Variants in FGF10 observed in about 807,000 individuals in gnomAD.
The protein encoded by FGF10 is fibroblast growth factor 10, also known as FGF-10.
A neutral mutation model predicts 19.8 loss-of-function variants in FGF10; 2 were observed. The ratio of observed to expected loss-of-function variants is 0.10; its 90% confidence interval spans 0.04 to 0.32. The LOEUF is 0.32. Among genes scored for constraint, FGF10 ranks in the 10% least tolerant of loss-of-function variants. The pLI is 1.00. For missense variants in FGF10, 191 were observed against 246.3 expected, an observed-to-expected ratio of 0.78 and a Z score of 1.50; for synonymous variants, 112 against 94.0, an observed-to-expected ratio of 1.19 and a Z score of -1.10.
intron 1 of FGF10, among the ~76,000 whole-genome samples, chr5:44,379,293 GC>G (rs1741937555): frequency 6.6e-6 from 1 of 152,188 alleles, no homozygotes; most frequent in Non-Finnish European, 1.5e-5. Context: ...TTTCAACAAT[GC>G]ATTTATTCGT....
At chr5:44,387,895 C>A (rs1052699758) in intron 1 of FGF10, among the ~76,000 whole-genome samples, 8 of 151,916 alleles carry the variant, frequency 5.3e-5, no homozygotes, top group South Asian at 2.1e-4. Context: ...TAATTGACAG[C>A]GGATAATTAT....
At chr5:44,346,007 C>A (rs1460067419) in intron 1 of FGF10, among the ~76,000 whole-genome samples, 2 of 151,784 alleles carry the variant, frequency 1.3e-5, no homozygotes, top group Non-Finnish European at 2.9e-5. Context: ...TTGACCTATT[C>A]TCTAACCTCA....
intron 1 of FGF10, among the ~76,000 whole-genome samples, chr5:44,312,211 C>CAT (rs1178613753): frequency 6.6e-6 from 1 of 151,750 alleles, no homozygotes; most frequent in Non-Finnish European, 1.5e-5. Flanking sequence ...CACACACACA[C>CAT]ACACACGCAC....
intron 1 of FGF10, among the ~76,000 whole-genome samples, chr5:44,352,029 T>A (rs1191863266): frequency 6.6e-6 from 1 of 151,610 alleles, no homozygotes. Flanking sequence ...AATCAATCAG[T>A]TATGCCATTA....
chr5:44,311,379 A>G (rs1323576211), intron 1 of FGF10, among the ~76,000 whole-genome samples: 3 of 152,110 alleles, frequency 2.0e-5, no homozygotes, highest in Non-Finnish European at 2.9e-5. Flanking sequence ...CTAGGGAACT[A>G]AAACTACTTA....
At position 44,300,510 on chromosome 5, in the gene FGF10, A is replaced by G. The variant is rs962221205; in HGVS notation, c.*4485T>C. ...ATCCAGGGCCCTACTCTTGGCTTAA[A>G]ACAAAACAATGCAAATGTAATCTTT... On this transcript the variant is annotated 3_prime_UTR_variant, in exon 3 of 3. Transcript: ENST00000264664. 1.3e-5 allele frequency among the ~76,000 whole-genome samples: 2 copies of G among 152,192 alleles called. No homozygotes were observed. Among genetic ancestry groups the G allele is most frequent in the Admixed American group, 6.6e-5 (1 of 15,260 alleles).
At chr5:44,340,166 C>T (rs563574520) in intron 1 of FGF10, among the ~76,000 whole-genome samples, 17 of 152,072 alleles carry the variant, frequency 1.1e-4, no homozygotes, top group African/African-American at 3.1e-4. Flanking sequence ...ATAAAAATGA[C>T]GGGAGCAGAT....
At chr5:44,337,665 AGCGTGGTGGCTCACGCCT>A (rs1740883378) in intron 1 of FGF10, among the ~76,000 whole-genome samples, 1 of 152,194 alleles carries the variant, frequency 6.6e-6, no homozygotes, top group Non-Finnish European at 1.5e-5. Context: ...ATTAGGGCCC[AGCGTGGTGGCTCACGCCT>A]GTAATCCCAG....
chr5:44,344,007 T>C (rs981759575), intron 1 of FGF10, among the ~76,000 whole-genome samples: 5 of 151,906 alleles, frequency 3.3e-5, no homozygotes, highest in African/African-American at 4.8e-5. Flanking sequence ...CCCAGGAAAG[T>C]AAAAGCTCTT....
At chr5:44,321,504 G>T (rs1740486537) in intron 1 of FGF10, among the ~76,000 whole-genome samples, 1 of 152,162 alleles carries the variant, frequency 6.6e-6, no homozygotes. Flanking sequence ...GTCATTTTGT[G>T]TCAGTATATG....
intron 1 of FGF10, among the ~76,000 whole-genome samples, chr5:44,352,495 T>C (rs1741257593): frequency 6.6e-6 from 1 of 151,588 alleles, no homozygotes; most frequent in African/African-American, 2.4e-5. Context: ...ATAACTCTGA[T>C]TGAGACAGCT....
chr5:44,378,993 C>T (rs1579945165), intron 1 of FGF10, among the ~76,000 whole-genome samples: 1 of 152,214 alleles, frequency 6.6e-6, no homozygotes. Flanking sequence ...CTCAATGTGC[C>T]TTCTCTGTAC....
At chr5:44,356,475 T>A (rs973463840) in intron 1 of FGF10, among the ~76,000 whole-genome samples, 15 of 151,446 alleles carry the variant, frequency 9.9e-5, no homozygotes, top group African/African-American at 3.6e-4. Flanking sequence ...CTAGACAACA[T>A]TTGGATAATG....
At chr5:44,383,038 C>T (rs1287080533) in intron 1 of FGF10, among the ~76,000 whole-genome samples, 4 of 152,080 alleles carry the variant, frequency 2.6e-5, no homozygotes, top group Non-Finnish European at 5.9e-5. Flanking sequence ...ATCATTTGCA[C>T]TACAATGTCA....
intron 2 of FGF10, among the ~76,000 whole-genome samples, chr5:44,308,641 G>A (rs1356095068): frequency 6.6e-6 from 1 of 152,028 alleles, no homozygotes; most frequent in East Asian, 1.9e-4. Context: ...GGGTTCATTA[G>A]GGGAGCAATG....
At chr5:44,341,554 T>C (rs950105466) in intron 1 of FGF10, among the ~76,000 whole-genome samples, 4 of 151,900 alleles carry the variant, frequency 2.6e-5, no homozygotes, top group Admixed American at 1.3e-4. Flanking sequence ...TAGTCTATTC[T>C]TTGAAGCAGA....
intron 1 of FGF10, among the ~76,000 whole-genome samples, chr5:44,378,925 AG>A: frequency 6.6e-6 from 1 of 152,290 alleles, no homozygotes; most frequent in East Asian, 1.9e-4. Context: ...ATGATGTGAC[AG>A]GCACCATTAA....
In FGF10 at chr5:44,347,760, C is replaced by T. The variant is rs114841303; in HGVS notation, c.326-37230G>A. Among the ~76,000 whole-genome samples the T allele has an allele frequency of 2.4e-3, 364 of 151,810 alleles. 1 individual carries two copies. The highest frequency in any genetic ancestry group is 8.3e-3 in the African/African-American group (344 of 41,484). ...GCTCAATCAATACTTGCTAATTAAA[C>T]TCATCTCATGCCCTTATAGTAGGAT... On this transcript the variant is annotated intron_variant, in intron 1 of 2. Coordinates refer to ENST00000264664, the MANE Select transcript of FGF10 (RefSeq NM_004465.2).
rs114049078 is a variant in FGF10 at position 44,352,227 on chromosome 5, G to A, written c.325+36131C>T. On this transcript the variant is annotated intron_variant, in intron 1 of 2. Transcript: ENST00000264664. Reference sequence around the variant, plus strand: ...CAGGGTGAGGATTTGAGGGACTTTCGATGCAATTCTTTGATTGAAATCTTG... The same window carrying A: ...CAGGGTGAGGATTTGAGGGACTTTCAATGCAATTCTTTGATTGAAATCTTG... Among the ~76,000 whole-genome samples, 644 of 151,648 alleles carry A rather than the reference G, an allele frequency of 4.2e-3. 5 individuals carry two copies. The highest frequency in any genetic ancestry group is 4.2e-3 in the Non-Finnish European group (286 of 67,696).
Sources: gnomAD v4.1 joint callset for allele counts (sites outside exome capture counted in the v4.1 genomes callset) on GRCh38, gnomAD v4.1.1 for gene constraint, MANE v1.5 for transcripts, NCBI Gene and HGNC (gene_info 2026-07-23, HGNC 2026-07-21) for gene names.